Variants in SGK1 observed in about 807,000 individuals in gnomAD.
SGK1 encodes the protein serum/glucocorticoid regulated kinase 1.
In SGK1, 26 loss-of-function variants were observed where a neutral mutation model predicts 64.2. The observed-to-expected ratio is 0.40, with a 90% CI of 0.30 to 0.56. The LOEUF (loss-of-function observed/expected upper bound fraction) is 0.56, where lower values mean the gene tolerates loss of function less well. Among genes scored for constraint, SGK1 ranks in the 20% least tolerant of loss-of-function variants. The probability of loss-of-function intolerance (pLI) is 0.38; values close to 1 mark genes in which losing one functional copy is unlikely to be tolerated. For synonymous variants in SGK1, 265 were observed against 239.7 expected, an observed-to-expected ratio of 1.11 and a Z score of -0.98; for missense variants, 519 against 645.6, an observed-to-expected ratio of 0.80 and a Z score of 2.12.
chr6:134,194,364 T>G (rs1014711251), intron 3 of SGK1, among the ~76,000 whole-genome samples: 7 of 152,060 alleles, frequency 4.6e-5, no homozygotes, highest in Admixed American at 4.6e-4. Context: ...GTCAAGCTGT[T>G]TGTGTACCTC....
chr6:134,237,058 C>CTTTTTTTTT (rs56379518), intron 2 of SGK1, among the ~76,000 whole-genome samples: 2 of 138,382 alleles, frequency 1.4e-5, no homozygotes, highest in South Asian at 2.3e-4. Flanking sequence ...TTTTCTTTTT[C>CTTTTTTTTT]TTTTTTTTTT....
chr6:134,276,749 C>T (rs1038808770), intron 1 of SGK1, among the ~76,000 whole-genome samples: 1 of 152,106 alleles, frequency 6.6e-6, no homozygotes, highest in Non-Finnish European at 1.5e-5. Flanking sequence ...TAACACAGGA[C>T]AGCTTTAAAA....
chr6:134,262,140 C>A lies in SGK1; in HGVS notation c.78G>T (p.Arg26Ser), dbSNP rs769679039. 1 of 1,578,124 alleles carries A rather than the reference C, an allele frequency of 6.3e-7. No individual in the cohort carries two copies. Among genetic ancestry groups the A allele is most frequent in the South Asian group, 1.1e-5 (1 of 88,218 alleles). Reference protein sequence around the residue: ...AFQFFKKRVRRWIKSPMVSVD... With the variant: ...AFQFFKKRVRSWIKSPMVSVD... Reference sequence around the variant, plus strand: ...CACTGACCATTGGGCTCTTGATCCACCTTCGTACCTGCAATGTGCAAAAGG... The same window carrying A: ...CACTGACCATTGGGCTCTTGATCCAACTTCGTACCTGCAATGTGCAAAAGG... Residue 26 changes from arginine (R) to serine (S), a missense_variant, in exon 2 of 14, where the codon AGG becomes AGT. Arg to Ser is a moderately radical substitution (Grantham distance 110, BLOSUM62 -1). Transcript: ENST00000367858.
intron 2 of SGK1, among the ~76,000 whole-genome samples, chr6:134,220,158 G>A (rs1364362088): frequency 6.7e-6 from 1 of 150,374 alleles, no homozygotes; most frequent in African/African-American, 2.5e-5. Flanking sequence ...ATGGTGTTTT[G>A]TAGATTTTGC....
intron 2 of SGK1, among the ~76,000 whole-genome samples, chr6:134,253,149 CAGAT>C (rs1307943889): frequency 6.6e-6 from 1 of 152,182 alleles, no homozygotes; most frequent in Non-Finnish European, 1.5e-5. Context: ...TTGAGCCTAA[CAGAT>C]GGAGTAAGAC....
intron 3 of SGK1, among the ~76,000 whole-genome samples, chr6:134,193,467 C>T (rs1775546901): frequency 1.3e-5 from 2 of 152,030 alleles, no homozygotes; most frequent in South Asian, 4.1e-4. Flanking sequence ...CCCAGGTGAT[C>T]TCATCTCAGC....
Position 134,170,880 on chromosome 6 carries a change from A to C in SGK1, c.1359T>G (p.Ile453Met). ...TCTTATTAATGAGATCATCCCAGTT[A>C]ATTAAGGAGAAGAAGACATGACTCT... ...EIKSHVFFSL[I>M]NWDDLINKKI... The change falls in exon 13 of 14, where the codon ATT (isoleucine) becomes ATG (methionine). Residue 453 changes from isoleucine (I) to methionine (M), a missense_variant. Ile to Met is a conservative substitution (Grantham distance 10, BLOSUM62 1). Transcript: ENST00000367858. The C allele has an allele frequency of 6.2e-7, 1 of 1,612,038 alleles. No homozygotes were observed. Among genetic ancestry groups the C allele is most frequent in the Non-Finnish European group, 8.5e-7 (1 of 1,178,134 alleles).
intron 1 of SGK1, among the ~76,000 whole-genome samples, chr6:134,262,852 G>A (rs1327558518): frequency 6.6e-6 from 1 of 151,868 alleles, no homozygotes; most frequent in Admixed American, 6.6e-5. Flanking sequence ...GACCAGCCTG[G>A]GCAAAATAGC....
At chr6:134,279,828 G>T (rs1193108052) in intron 1 of SGK1, among the ~76,000 whole-genome samples, 1 of 152,138 alleles carries the variant, frequency 6.6e-6, no homozygotes, top group Non-Finnish European at 1.5e-5. Flanking sequence ...GAGCAGGTGT[G>T]CAGTAAGCAC....
chr6:134,210,834 A>AAAAT (rs59053070), intron 2 of SGK1, among the ~76,000 whole-genome samples: 64 of 143,696 alleles, frequency 4.5e-4, no homozygotes, highest in Middle Eastern at 3.8e-3. Context: ...AAAAAAAAAA[A>AAAAT]TTTTAAAAGG....
chr6:134,255,235 C>T (rs1365954467), intron 2 of SGK1, among the ~76,000 whole-genome samples: 3 of 152,128 alleles, frequency 2.0e-5, no homozygotes, highest in Non-Finnish European at 2.9e-5. Flanking sequence ...ATTAATAATG[C>T]TCTACAAGTT....
chr6:134,315,541 T>C (rs1281833881), intron 1 of SGK1, among the ~76,000 whole-genome samples: 1 of 152,260 alleles, frequency 6.6e-6, no homozygotes, highest in Non-Finnish European at 1.5e-5. Flanking sequence ...TTAGTATTTC[T>C]ATTAGTACAT....
intron 2 of SGK1, among the ~76,000 whole-genome samples, chr6:134,226,702 A>T (rs1011387512): frequency 2.6e-5 from 4 of 151,772 alleles, no homozygotes; most frequent in Non-Finnish European, 4.4e-5. Flanking sequence ...TCAAAAAAAA[A>T]AATAAAAATA....
At chr6:134,202,544 G>T (rs924626918) in intron 3 of SGK1, among the ~76,000 whole-genome samples, 1 of 152,072 alleles carries the variant, frequency 6.6e-6, no homozygotes, top group African/African-American at 2.4e-5. Flanking sequence ...GGGAGGCTGA[G>T]ACAGGAGACA....
chr6:134,243,664 C>T (rs976104625), intron 2 of SGK1, among the ~76,000 whole-genome samples: 6 of 152,258 alleles, frequency 3.9e-5, no homozygotes, highest in South Asian at 4.1e-4. Context: ...CCACCGCGCC[C>T]GGCCATAACG....
chr6:134,262,841 A>T (rs1293736083), intron 1 of SGK1, among the ~76,000 whole-genome samples: 1 of 151,932 alleles, frequency 6.6e-6, no homozygotes, highest in African/African-American at 2.4e-5. Flanking sequence ...CAGGAGTTTG[A>T]GACCAGCCTG....
chr6:134,299,571 C>A (rs777533200), intron 1 of SGK1, among the ~76,000 whole-genome samples: 3 of 152,030 alleles, frequency 2.0e-5, no homozygotes, highest in Non-Finnish European at 4.4e-5. Flanking sequence ...CTGATGTGTG[C>A]AGAACAGGGA....
Position 134,317,758 on chromosome 6 carries a change from G to T in SGK1, c.-298C>A, listed in dbSNP as rs1777709406. 6.0e-6 allele frequency: 2 copies of T among 334,382 alleles called. No individual in the cohort carries two copies. Among genetic ancestry groups the T allele is most frequent in the African/African-American group, 4.2e-5 (2 of 47,604 alleles). 20.7% of individuals were successfully genotyped at this position (334,382 alleles called of 1,614,324 possible). On this transcript the variant is annotated 5_prime_UTR_variant, in exon 1 of 14. Coordinates refer to ENST00000367858, the MANE Select transcript of SGK1 (RefSeq NM_001143676.3). ...CGGTGGGATACGGCCAATCTCCGGG[G>T]AGATGCTGTGGCTCTTACCGAGCGG...
intron 12 of SGK1, 40 bp from the exon 13 acceptor site, chr6:134,170,955 T>C (rs1774997379): frequency 6.2e-7 from 1 of 1,606,954 alleles, no homozygotes; most frequent in African/African-American, 1.3e-5. Context: ...GACAGGTGCA[T>C]TCAATAAGGG....
Sources: allele counts gnomAD v4.1 joint callset (sites outside exome capture counted in the v4.1 genomes callset), GRCh38; gene constraint gnomAD v4.1.1; transcripts MANE v1.5; gene names NCBI Gene and HGNC (gene_info 2026-07-23, HGNC 2026-07-21).